GRID2: variants seen among roughly 807,000 people sequenced by gnomAD.
The protein encoded by GRID2 is glutamate ionotropic receptor delta type subunit 2, also known as glutamate receptor ionotropic, delta-2.
Under a neutral mutation model 114.8 loss-of-function variants are expected in GRID2, and 33 were observed. The observed-to-expected ratio is 0.29, with a 90% confidence interval of 0.22 to 0.38. The LOEUF (loss-of-function observed/expected upper bound fraction) is 0.38, where lower values mean the gene tolerates loss of function less well. Among genes scored for constraint, GRID2 ranks in the 10% least tolerant of loss-of-function variants. The probability of loss-of-function intolerance (pLI) is 1.00; values close to 1 mark genes in which losing one functional copy is unlikely to be tolerated. For synonymous variants in GRID2, 505 were observed against 449.9 expected (o/e 1.12, Z -1.55); for missense variants, 1,184 against 1,257.7 (o/e 0.94, Z 0.89).
intron 2 of GRID2, among the ~76,000 whole-genome samples, chr4:92,720,474 A>AT (rs1735759005): frequency 6.6e-6 from 1 of 152,040 alleles, no homozygotes; most frequent in Non-Finnish European, 1.5e-5. Context: ...AAGCTCAGGG[A>AT]TTTCAGAATC....
At chr4:93,006,398 C>G (rs1721529483) in intron 2 of GRID2, among the ~76,000 whole-genome samples, 1 of 151,628 alleles carries the variant, frequency 6.6e-6, no homozygotes, top group Non-Finnish European at 1.5e-5. Context: ...GAGAATAGGT[C>G]TAAGGAAATA....
chr4:92,373,665 C>T (rs1021267441), intron 1 of GRID2, among the ~76,000 whole-genome samples: 1 of 152,134 alleles, frequency 6.6e-6, no homozygotes, highest in Non-Finnish European at 1.5e-5. Context: ...GAGACCATGA[C>T]CTTTTTTCAA....
chr4:93,563,845 C>T (rs1010093483), intron 13 of GRID2, among the ~76,000 whole-genome samples: 1 of 151,814 alleles, frequency 6.6e-6, no homozygotes, highest in Non-Finnish European at 1.5e-5. Context: ...TTAGTTTGCT[C>T]ACATTTACTA....
rs80175712 is a variant in GRID2 at position 92,598,282 on chromosome 4, A to G, written c.244+7996A>G. Among the ~76,000 whole-genome samples the G allele has an allele frequency of 4.5e-3, 686 of 152,272 alleles. 18 individuals carry two copies. In the East Asian group the frequency reaches 0.072, roughly 16 times the overall value. On this transcript the variant is annotated intron_variant, in intron 2 of 15. Coordinates refer to ENST00000282020, the MANE Select transcript of GRID2 (RefSeq NM_001510.4). Reference sequence around the variant, plus strand: ...CAGTCTTGTGCCAACTACTCTGCACACTGTCATGCTCTCCATTGGCTGCCC... The same window carrying G: ...CAGTCTTGTGCCAACTACTCTGCACGCTGTCATGCTCTCCATTGGCTGCCC...
chr4:93,241,103 T>C (rs1451276419), intron 8 of GRID2, among the ~76,000 whole-genome samples: 1 of 151,820 alleles, frequency 6.6e-6, no homozygotes, highest in Non-Finnish European at 1.5e-5. Flanking sequence ...TAATTTATAT[T>C]GCTGAGTGGT....
chr4:92,365,665 G>T (rs1489442425), intron 1 of GRID2, among the ~76,000 whole-genome samples: 1 of 152,034 alleles, frequency 6.6e-6, no homozygotes, highest in Non-Finnish European at 1.5e-5. Context: ...TCTTACCACA[G>T]AAACTGAGTG....
At position 92,730,558 on chromosome 4, in the gene GRID2, T is replaced by G. The variant is rs1736282983; in HGVS notation, c.244+140272T>G. On this transcript the variant is annotated intron_variant, in intron 2 of 15. Transcript: ENST00000282020. ...CTCAAACTTGTATAAATCATTTGCT[T>G]TGAAATATATTTAAAGCCATTTTTA... Among the ~76,000 whole-genome samples the G allele has an allele frequency of 1.3e-5, 2 of 152,002 alleles. 1 individual carries two copies. The highest frequency in any genetic ancestry group is 4.1e-4 in the South Asian group (2 of 4,838).
chr4:93,795,662 A>G (rs1031371907), intron 1 of GRID2, among the ~76,000 whole-genome samples: 3 of 152,210 alleles, frequency 2.0e-5, no homozygotes, highest in African/African-American at 4.8e-5. Flanking sequence ...ACAGGTGAGC[A>G]AGTATAGGAT....
At chr4:93,776,957 A>G (rs906345651), downstream of GRID2, among the ~76,000 whole-genome samples, 1 of 152,216 alleles carries the variant, frequency 6.6e-6, no homozygotes, top group African/African-American at 2.4e-5. Flanking sequence ...CAATGTTTCA[A>G]CTTGCCTCAA....
At chr4:93,550,165 C>G (rs1050954263) in intron 13 of GRID2, among the ~76,000 whole-genome samples, 15 of 152,042 alleles carry the variant, frequency 9.9e-5, no homozygotes, top group Non-Finnish European at 7.4e-5. Context: ...TAGACTGGCT[C>G]TGAACTCCTG....
chr4:93,023,990 T>G (rs545589455), intron 2 of GRID2, among the ~76,000 whole-genome samples: 1 of 151,912 alleles, frequency 6.6e-6, no homozygotes, highest in Non-Finnish European at 1.5e-5. Flanking sequence ...AGCCCATTGT[T>G]GAGCAGGAAA....
chr4:93,588,693 T>C, intron 13 of GRID2, among the ~76,000 whole-genome samples: 1 of 152,222 alleles, frequency 6.6e-6, no homozygotes, highest in East Asian at 1.9e-4. Context: ...CTACAGCAGA[T>C]GGGTAAACTA....
intron 2 of GRID2, among the ~76,000 whole-genome samples, chr4:92,972,279 C>T (rs1443651485): frequency 1.3e-5 from 2 of 150,966 alleles, no homozygotes; most frequent in East Asian, 3.9e-4. Context: ...TTTTGATTTG[C>T]ATTTTCCTGA....
Position 92,757,934 on chromosome 4 carries a change from G to A in GRID2, c.244+167648G>A, listed in dbSNP as rs144144647. 1.5e-3 allele frequency among the ~76,000 whole-genome samples: 224 copies of A among 152,032 alleles called. 1 individual carries two copies. The highest frequency in any genetic ancestry group is 5.1e-3 in the African/African-American group (210 of 41,514). The stretch of plus-strand genomic sequence containing the variant: ...AGAAAGGTTTTAAACAGAGTAGTGG[G>A]GCAAATTCCAAAAAAGGAGGAGATC... On this transcript the variant is annotated intron_variant, in intron 2 of 15. Coordinates refer to ENST00000282020, the MANE Select transcript of GRID2 (RefSeq NM_001510.4).
chr4:92,626,279 A>G (rs1730517420), intron 2 of GRID2, among the ~76,000 whole-genome samples: 2 of 151,900 alleles, frequency 1.3e-5, no homozygotes, highest in African/African-American at 4.8e-5. Context: ...ACCTTTAACA[A>G]GGTTTTAATC....
chr4:92,768,781 C>T (rs1738391433), intron 2 of GRID2, among the ~76,000 whole-genome samples: 1 of 152,114 alleles, frequency 6.6e-6, no homozygotes, highest in African/African-American at 2.4e-5. Flanking sequence ...GAGATTCATT[C>T]ACTATCACAA....
chr4:92,450,742 T>C (rs1311030715), intron 1 of GRID2, among the ~76,000 whole-genome samples: 1 of 151,448 alleles, frequency 6.6e-6, no homozygotes, highest in East Asian at 1.9e-4. Flanking sequence ...TCTCTTTCTT[T>C]ATGTTGATCT....
At chr4:92,341,580 G>C (rs1727490794) in intron 1 of GRID2, among the ~76,000 whole-genome samples, 1 of 151,976 alleles carries the variant, frequency 6.6e-6, no homozygotes, top group African/African-American at 2.4e-5. Context: ...GAGAATCAAG[G>C]TTCATCTATT....
chr4:92,464,737 TA>T (rs1022547340), intron 1 of GRID2, among the ~76,000 whole-genome samples: 10 of 152,040 alleles, frequency 6.6e-5, no homozygotes, highest in Non-Finnish European at 1.3e-4. Context: ...TTAAAAAGAA[TA>T]ATTAAGAAAG....
Sources: gnomAD v4.1 joint callset for allele counts (sites outside exome capture counted in the v4.1 genomes callset) on GRCh38, gnomAD v4.1.1 for gene constraint, MANE v1.5 for transcripts, NCBI Gene and HGNC (gene_info 2026-07-23, HGNC 2026-07-21) for gene names.